Variants in STPG2 observed in about 807,000 individuals in gnomAD.
The protein encoded by STPG2 is sperm tail PG-rich repeat containing 2, also known as sperm-tail PG-rich repeat-containing protein 2.
Under a neutral mutation model 54.2 loss-of-function variants are expected in STPG2, and 56 were observed. The observed-to-expected ratio is 1.03, with a 90% CI of 0.83 to 1.29. STPG2 has a LOEUF of 1.29. STPG2 is among the 50% of genes most tolerant of loss of function. The pLI is 0.00. For synonymous variants in STPG2, 200 were observed against 181.8 expected, an observed-to-expected ratio of 1.10 and a Z score of -0.81; for missense variants, 596 against 544.9, an observed-to-expected ratio of 1.09 and a Z score of -0.93.
chr4:97,678,887 G>A (rs960431812), intron 10 of STPG2, among the ~76,000 whole-genome samples: 1 of 150,438 alleles, frequency 6.6e-6, no homozygotes, highest in Non-Finnish European at 1.5e-5. Context: ...TTGGTTTCTT[G>A]TTCTTGCGAT....
intron 10 of STPG2, among the ~76,000 whole-genome samples, chr4:97,570,561 T>C (rs971599768): frequency 2.5e-4 from 34 of 135,040 alleles, no homozygotes; most frequent in Non-Finnish European, 5.0e-4. Flanking sequence ...AAAACAAAAG[T>C]TTTTTTTTTT....
chr4:97,794,560 C>A (rs1353950113), intron 9 of STPG2, among the ~76,000 whole-genome samples: 1 of 152,088 alleles, frequency 6.6e-6, no homozygotes, highest in Non-Finnish European at 1.5e-5. Flanking sequence ...ATAAGTATAA[C>A]AAATTGGATA....
chr4:97,470,451 A>C (rs993134472), intron 4 of STPG2, among the ~76,000 whole-genome samples: 1 of 152,140 alleles, frequency 6.6e-6, no homozygotes, highest in African/African-American at 2.4e-5. Flanking sequence ...TACATTATAC[A>C]ACATGTAATC....
intron 5 of STPG2, among the ~76,000 whole-genome samples, chr4:98,001,837 G>A (rs1386447380): frequency 6.6e-6 from 1 of 151,964 alleles, no homozygotes; most frequent in Admixed American, 6.6e-5. Flanking sequence ...ACAAACATTG[G>A]CAACTAACTC....
intron 9 of STPG2, among the ~76,000 whole-genome samples, chr4:97,823,116 T>C (rs777671889): frequency 1.1e-4 from 16 of 152,246 alleles, no homozygotes; most frequent in Non-Finnish European, 2.4e-4. Flanking sequence ...AACAAGTTAT[T>C]CAGAAGATCA....
Position 97,826,777 on chromosome 4 carries a change from A to C in STPG2, c.1204+13996T>G, listed in dbSNP as rs528190954. 5.3e-5 allele frequency among the ~76,000 whole-genome samples: 8 copies of C among 152,350 alleles called. No homozygotes were observed. In the South Asian group the frequency reaches 1.7e-3, roughly 32 times the overall value. On this transcript the variant is annotated intron_variant, in intron 9 of 10. Coordinates refer to ENST00000295268, the MANE Select transcript of STPG2 (RefSeq NM_174952.3). ...ATGTTATTGGTATGTATTCCAAAAT[A>C]ATGGGAAACTCCTATAATTCTGATA...
At chr4:97,919,824 T>G (rs1012577788) in intron 8 of STPG2, among the ~76,000 whole-genome samples, 8 of 152,188 alleles carry the variant, frequency 5.3e-5, no homozygotes, top group Admixed American at 4.6e-4. Flanking sequence ...CCAGAATACC[T>G]TGACCCCCAA....
Position 97,607,974 on chromosome 4 carries a change from G to A in STPG2, c.1321-48857C>T, listed in dbSNP as rs995366082. 1.2e-4 allele frequency among the ~76,000 whole-genome samples: 19 copies of A among 152,082 alleles called. No individual in the cohort carries two copies. In the East Asian group the frequency reaches 3.3e-3, roughly 26 times the overall value. ...CCAACTAATTATTCAATACACGTGG[G>A]AACTATTCTCTTTTCCCTGTCCATA... On this transcript the variant is annotated intron_variant, in intron 10 of 10. Coordinates refer to ENST00000295268, the MANE Select transcript of STPG2 (RefSeq NM_174952.3).
intron 5 of STPG2, among the ~76,000 whole-genome samples, chr4:98,007,571 C>A (rs1029030218): frequency 6.6e-6 from 1 of 151,856 alleles, no homozygotes; most frequent in African/African-American, 2.4e-5. Context: ...ATGACACACC[C>A]CAAAGGATTA....
intron 9 of STPG2, among the ~76,000 whole-genome samples, chr4:97,807,531 ACTT>A (rs1241488252): frequency 2.6e-5 from 4 of 151,998 alleles, no homozygotes; most frequent in Admixed American, 6.6e-5. Flanking sequence ...AAAATGAAAA[ACTT>A]AATGCATTAT....
intron 4 of STPG2, among the ~76,000 whole-genome samples, chr4:97,534,185 T>C (rs1157979054): frequency 3.3e-5 from 5 of 152,166 alleles, no homozygotes; most frequent in Non-Finnish European, 7.4e-5. Context: ...TCATATTTCA[T>C]ATTGTTTATG....
At chr4:97,742,561 GTGTGTC>G (rs199733070) in intron 9 of STPG2, among the ~76,000 whole-genome samples, 5,293 of 125,512 alleles carry the variant, frequency 0.042, 186 homozygotes, top group Middle Eastern at 0.094. Flanking sequence ...GTGTGTGTGT[GTGTGTC>G]TATATATATA....
intron 10 of STPG2, among the ~76,000 whole-genome samples, chr4:97,641,037 A>T (rs1302539000): frequency 6.6e-6 from 1 of 151,686 alleles, no homozygotes; most frequent in Non-Finnish European, 1.5e-5. Flanking sequence ...CAATAAATAA[A>T]GTAAAATATT....
intron 10 of STPG2, among the ~76,000 whole-genome samples, chr4:97,669,854 A>G (rs1410874461): frequency 5.9e-5 from 9 of 152,108 alleles, no homozygotes; most frequent in African/African-American, 2.2e-4. Context: ...GCATGAAGTC[A>G]TTATAATGCT....
chr4:98,142,536 A>G (rs1410833538), intron 1 of STPG2, among the ~76,000 whole-genome samples: 2 of 151,884 alleles, frequency 1.3e-5, no homozygotes, highest in East Asian at 3.8e-4. Flanking sequence ...AAGTGTGTTA[A>G]AAGAGATGAG....
intron 4 of STPG2, among the ~76,000 whole-genome samples, chr4:97,447,766 C>T (rs896953892): frequency 6.6e-6 from 1 of 152,168 alleles, no homozygotes; most frequent in Non-Finnish European, 1.5e-5. Context: ...GGTCAGAGCC[C>T]TTTTAGAGAA....
At chr4:97,458,919 T>G (rs528246125) in intron 4 of STPG2, among the ~76,000 whole-genome samples, 1 of 152,222 alleles carries the variant, frequency 6.6e-6, no homozygotes, top group South Asian at 2.1e-4. Context: ...GTGTAGAATA[T>G]TATCAGGGCA....
At chr4:97,813,504 T>C (rs1265232903) in intron 9 of STPG2, among the ~76,000 whole-genome samples, 1 of 151,608 alleles carries the variant, frequency 6.6e-6, no homozygotes, top group Non-Finnish European at 1.5e-5. Context: ...GTCATATAGA[T>C]GTTAATTAGC....
chr4:97,572,941 G>T (rs4536936), intron 10 of STPG2, among the ~76,000 whole-genome samples: 96,734 of 151,864 alleles, frequency 0.64, 31,978 homozygotes, highest in African/African-American at 0.83. Context: ...TTCAATAGGC[G>T]TTTAACTAGT....
Sources: allele counts gnomAD v4.1 joint callset (sites outside exome capture counted in the v4.1 genomes callset), GRCh38; gene constraint gnomAD v4.1.1; transcripts MANE v1.5; gene names NCBI Gene and HGNC (gene_info 2026-07-23, HGNC 2026-07-21).